The following SHLD2 variants were observed in gnomAD, a reference collection of about 807,000 sequenced individuals.
SHLD2 encodes the protein RINN1-REV7-interacting novel NHEJ regulator 2.
In SHLD2, 30 loss-of-function variants were observed where a neutral mutation model predicts 73.2. That is an observed-to-expected ratio of 0.41 (90% CI 0.31 to 0.56). The LOEUF is 0.56. Ranked by LOEUF, SHLD2 falls within the 20% of genes least tolerant of loss-of-function variation. The pLI is 0.28. For missense variants in SHLD2, 745 were observed against 1,055.9 expected, an observed-to-expected ratio of 0.71 and a Z score of 4.08; for synonymous variants, 285 against 370.1, an observed-to-expected ratio of 0.77 and a Z score of 2.64.
rs369946912 is a variant in SHLD2 at position 87,153,314 on chromosome 10, G to A, written c.1525+435G>A. Among the ~76,000 whole-genome samples, 5 of 152,334 alleles carry A rather than the reference G, an allele frequency of 3.3e-5. No homozygotes were observed. The East Asian group carries it at 9.6e-4, about 29-fold the overall frequency. On this transcript the variant is annotated intron_variant, in intron 3 of 9. Transcript: ENST00000298786. ...CCAGCTACCCAGGAGGCTGACGCGA[G>A]AGGATTGCTTGAGCCCAGGAGGTTG...
intron 8 of SHLD2, among the ~76,000 whole-genome samples, chr10:87,183,652 A>C (rs1368938299): frequency 6.6e-6 from 1 of 152,094 alleles, no homozygotes; most frequent in African/African-American, 2.4e-5. Context: ...CTTCAGTTTC[A>C]CTTCAGTTAT....
intron 2 of SHLD2, among the ~76,000 whole-genome samples, chr10:87,142,922 C>CTTTTTTTTTTTTTT (rs71269253): frequency 3.6e-4 from 30 of 83,152 alleles, no homozygotes; most frequent in Non-Finnish European, 4.2e-4. Flanking sequence ...TTTATTTTTA[C>CTTTTTTTTTTTTTT]TTTTTTTTTT....
At chr10:87,120,246 A>ATTTT (rs1366956539) in intron 2 of SHLD2, among the ~76,000 whole-genome samples, 5 of 148,478 alleles carry the variant, frequency 3.4e-5, no homozygotes, top group African/African-American at 7.8e-5. Context: ...TTATTTATTT[A>ATTTT]TTTATTTATT....
intron 2 of SHLD2, among the ~76,000 whole-genome samples, chr10:87,107,790 A>G (rs1044773796): frequency 2.0e-5 from 3 of 152,246 alleles, no homozygotes; most frequent in African/African-American, 7.2e-5. Context: ...GAAGTATAGT[A>G]GGCATAAATT....
chr10:87,178,292 G>A (rs1848078967), intron 7 of SHLD2, among the ~76,000 whole-genome samples: 1 of 150,420 alleles, frequency 6.6e-6, no homozygotes, highest in African/African-American at 2.4e-5. Flanking sequence ...GGAGAGCAAG[G>A]GTTTAAAAAC....
intron 6 of SHLD2, among the ~76,000 whole-genome samples, chr10:87,174,977 C>T (rs1220528989): frequency 1.5e-4 from 23 of 151,872 alleles, no homozygotes; most frequent in Non-Finnish European, 2.6e-4. Context: ...TTTAGCCGGG[C>T]GTGGTGGCGG....
chr10:87,145,050 T>C (rs1234969683), intron 2 of SHLD2, among the ~76,000 whole-genome samples: 2 of 145,420 alleles, frequency 1.4e-5, no homozygotes, highest in Non-Finnish European at 3.0e-5. Flanking sequence ...ACGCCATTCT[T>C]CTGCCTCAGC....
At chr10:87,128,768 C>G (rs181831553) in intron 2 of SHLD2, among the ~76,000 whole-genome samples, 3 of 152,322 alleles carry the variant, frequency 2.0e-5, no homozygotes, top group African/African-American at 7.2e-5. Context: ...TTTGTTTCCA[C>G]TGTTCTGAAA....
intron 8 of SHLD2, among the ~76,000 whole-genome samples, chr10:87,184,006 C>T (rs1462547169): frequency 1.3e-5 from 2 of 152,182 alleles, no homozygotes; most frequent in Non-Finnish European, 2.9e-5. Flanking sequence ...CTCCAGGCTC[C>T]AGTAGTCAGG....
chr10:87,120,258 A>ATTTATTTTT (rs1554828299), intron 2 of SHLD2, among the ~76,000 whole-genome samples: 3 of 148,694 alleles, frequency 2.0e-5, no homozygotes, highest in African/African-American at 7.6e-5. Context: ...TTATTTATTT[A>ATTTATTTTT]TTTTTTTGAG....
At chr10:87,157,604 T>G (rs532894131) in intron 3 of SHLD2, among the ~76,000 whole-genome samples, 1 of 152,330 alleles carries the variant, frequency 6.6e-6, no homozygotes, top group African/African-American at 2.4e-5. Context: ...AATAATCAAG[T>G]GTGTTAAGAA....
In SHLD2 at chr10:87,151,516, A is replaced by G. The variant is rs1846010158; in HGVS notation, c.162A>G (p.Lys54=). The G allele has an allele frequency of 1.2e-6, 2 of 1,610,916 alleles. No homozygotes were observed. Among genetic ancestry groups the G allele is most frequent in the African/African-American group, 2.7e-5 (2 of 74,844 alleles). Residue 54 remains lysine, a synonymous_variant, in exon 3 of 10, where the codon AAA becomes AAG. Coordinates refer to ENST00000298786, the MANE Select transcript of SHLD2 (RefSeq NM_001330112.2). The stretch of plus-strand genomic sequence containing the variant: ...ATTCTTTATATCTGAAGGATGAAAA[A>G]CAGCACAAAAATCTTGAAAACTATA... ...SQHSLYLKDE[K]QHKNLENYKV...
chr10:87,175,647 G>A (rs562493834), intron 6 of SHLD2, among the ~76,000 whole-genome samples: 31 of 152,126 alleles, frequency 2.0e-4, no homozygotes, highest in Non-Finnish European at 3.4e-4. Flanking sequence ...TCACATCACT[G>A]CTCTCCAGCC....
At chr10:87,149,006 G>A (rs1031636095) in intron 2 of SHLD2, among the ~76,000 whole-genome samples, 11 of 151,130 alleles carry the variant, frequency 7.3e-5, no homozygotes, top group Admixed American at 3.3e-4. Context: ...TCCTGCCTCA[G>A]CCTCCCTAGT....
chr10:87,181,295 G>T (rs1287379546), intron 8 of SHLD2, among the ~76,000 whole-genome samples: 2 of 151,074 alleles, frequency 1.3e-5, no homozygotes, highest in African/African-American at 4.9e-5. Flanking sequence ...TGAGGCAGGA[G>T]GATTGTTTGA....
chr10:87,146,924 T>C (rs964564083), intron 2 of SHLD2, among the ~76,000 whole-genome samples: 6 of 151,138 alleles, frequency 4.0e-5, no homozygotes, highest in African/African-American at 1.5e-4. Context: ...GGCATGGTGG[T>C]GCATGCCTGT....
intron 2 of SHLD2, among the ~76,000 whole-genome samples, chr10:87,137,968 C>G (rs1025728151): frequency 1.3e-5 from 2 of 151,864 alleles, no homozygotes; most frequent in African/African-American, 2.4e-5. Flanking sequence ...CCCAGGAGTT[C>G]GAGTCCAGCC....
At chr10:87,140,789 C>T (rs1019424357) in intron 2 of SHLD2, among the ~76,000 whole-genome samples, 1 of 151,650 alleles carries the variant, frequency 6.6e-6, no homozygotes, top group South Asian at 2.1e-4. Context: ...AGTGATACCC[C>T]TATCTTTACA....
At chr10:87,117,313 G>C (rs1564582302) in intron 2 of SHLD2, among the ~76,000 whole-genome samples, 1 of 152,152 alleles carries the variant, frequency 6.6e-6, no homozygotes, top group Non-Finnish European at 1.5e-5. Context: ...CAGCTACTCG[G>C]GAGGCTGAGG....
Sources: allele counts gnomAD v4.1 joint callset (sites outside exome capture counted in the v4.1 genomes callset), GRCh38; gene constraint gnomAD v4.1.1; transcripts MANE v1.5; gene names NCBI Gene and HGNC (gene_info 2026-07-23, HGNC 2026-07-21).